KCNN3: variants seen among roughly 807,000 people sequenced by gnomAD.
KCNN3 encodes the protein potassium calcium-activated channel subfamily N member 3, also known as small conductance calcium-activated potassium channel protein 3.
KCNN3 carries 16 observed loss-of-function variants against 62.9 expected under a neutral mutation model. The ratio of observed to expected loss-of-function variants is 0.25; its 90% CI spans 0.17 to 0.39. KCNN3 has a LOEUF of 0.39. KCNN3 is among the 10% of genes least tolerant of loss of function. The pLI, the probability that KCNN3 is intolerant of heterozygous loss-of-function variation, is 1.00. For synonymous variants in KCNN3, 370 were observed against 389.2 expected (o/e 0.95, Z 0.58); for missense variants, 599 against 949.4 (o/e 0.63, Z 4.85).
At chr1:154,852,820 C>T (rs1011199484) in intron 1 of KCNN3, among the ~76,000 whole-genome samples, 18 of 152,260 alleles carry the variant, frequency 1.2e-4, no homozygotes, top group East Asian at 1.9e-4. Flanking sequence ...GCTCCCATTT[C>T]GTGTCCACCG....
intron 3 of KCNN3, among the ~76,000 whole-genome samples, chr1:154,753,205 T>G (rs565459299): frequency 1.3e-5 from 2 of 152,294 alleles, no homozygotes; most frequent in Non-Finnish European, 2.9e-5. Flanking sequence ...ACAACATAGA[T>G]GTTTACTTTA....
intron 3 of KCNN3, among the ~76,000 whole-genome samples, chr1:154,750,141 A>G (rs1266042157): frequency 6.6e-6 from 1 of 152,228 alleles, no homozygotes; most frequent in East Asian, 1.9e-4. Flanking sequence ...CCGAAGGTCA[A>G]CACTATATGG....
chr1:154,860,641 C>T (rs1198898787), intron 1 of KCNN3, among the ~76,000 whole-genome samples: 3 of 152,180 alleles, frequency 2.0e-5, no homozygotes, highest in East Asian at 1.9e-4. Flanking sequence ...GAGCTTGTCA[C>T]GGACGGGAAG....
In KCNN3 at chr1:154,715,876, A is replaced by G. The variant is rs1700224572; in HGVS notation, c.1702-873T>C. Among the ~76,000 whole-genome samples the G allele has an allele frequency of 2.6e-5, 4 of 152,200 alleles. No homozygotes were observed. In the South Asian group the frequency reaches 8.3e-4, roughly 32 times the overall value. On this transcript the variant is annotated intron_variant, in intron 5 of 7. Coordinates refer to ENST00000271915, the MANE Select transcript of KCNN3 (RefSeq NM_002249.6). ...GGAGATTTTAAAAGACTTCTTTGAG[A>G]AAATGTCTTTCCCACTGATTGGAAC...
chr1:154,771,553 C>A (rs1030664795), intron 3 of KCNN3, among the ~76,000 whole-genome samples: 1 of 152,110 alleles, frequency 6.6e-6, no homozygotes, highest in Non-Finnish European at 1.5e-5. Context: ...AAAGGATTTG[C>A]AGGCAAATAC....
At chr1:154,737,206 TGG>T (rs35539682) in intron 3 of KCNN3, 2,856 of 176,516 alleles carry the variant, frequency 0.016, 152 homozygotes, top group African/African-American at 0.029. Flanking sequence ...ATAGAAAATT[TGG>T]GGGGGGGGGA....
intron 3 of KCNN3, among the ~76,000 whole-genome samples, chr1:154,736,593 C>A (rs1700715489): frequency 1.3e-5 from 2 of 152,168 alleles, no homozygotes; most frequent in African/African-American, 4.8e-5. Flanking sequence ...GAATACCGAA[C>A]CATGAAGTTA....
rs764182244 is a variant in KCNN3, at chr1:154,869,814, G to A, written c.151C>T (p.Pro51Ser). 5 of 1,523,590 alleles carry A rather than the reference G, an allele frequency of 3.3e-6. No individual in the cohort carries two copies. The African/African-American group carries it at 5.5e-5, about 17-fold the overall frequency. The allele number at this position is 1,523,590 out of a possible 1,614,324, so 94.4% of individuals were successfully genotyped here. ...QPPPPAPPAA[P>S]QQPLGPSLQP... ...AGCGAGGGTCCCAGGGGCTGCTGGG[G>A]GGCTGCTGGTGGCGCTGGCGGTGGT... Residue 51 changes from proline to serine, a missense_variant, in exon 1 of 8, where the codon CCC becomes TCC. By Grantham distance (74) the Pro-to-Ser change is moderately conservative. Around this residue, in one of 7 missense-constraint regions of KCNN3, gnomAD observed 59 missense variants for 62.4 expected, o/e 0.95. Transcript: ENST00000271915. This position sits in a 1 kb window ranked among gnomAD's most constrained non-coding sequence, Gnocchi z 6.1.
intron 4 of KCNN3, among the ~76,000 whole-genome samples, chr1:154,727,144 C>T (rs954759205): frequency 1.3e-5 from 2 of 152,244 alleles, no homozygotes; most frequent in Admixed American, 6.5e-5. Context: ...CAGAGACCAT[C>T]GCCCTCTGCC....
At chr1:154,859,748 T>C (rs1299343149) in intron 1 of KCNN3, 1 of 1,614,062 alleles carries the variant, frequency 6.2e-7, no homozygotes, top group Non-Finnish European at 8.5e-7. Flanking sequence ...CAACTGTCCT[T>C]GCAGATGTCG....
At chr1:154,845,872 C>A (rs1355425091) in intron 1 of KCNN3, among the ~76,000 whole-genome samples, 1 of 152,228 alleles carries the variant, frequency 6.6e-6, no homozygotes, top group Non-Finnish European at 1.5e-5. Flanking sequence ...TCATTTTGAT[C>A]CTCACGCACA....
Position 154,706,857 on chromosome 1 carries a change from A to G in KCNN3, c.*1119T>C, listed in dbSNP as rs1034423388. 6.6e-6 allele frequency: 1 copy of G among 152,144 alleles called. No homozygotes were observed. Among genetic ancestry groups the G allele is most frequent in the Non-Finnish European group, 1.5e-5 (1 of 68,022 alleles). 9.4% of individuals were successfully genotyped at this position (152,144 alleles called of 1,614,324 possible). A position where few individuals can be genotyped will look rare whatever the true frequency, so the allele number is the denominator to read the frequency against. ...AATACAGCTCAGCAAATCCCCAACCATATTTCTATTCACTAAGGTGTTATT... is the reference window on the plus strand; with the variant it reads ...AATACAGCTCAGCAAATCCCCAACCGTATTTCTATTCACTAAGGTGTTATT... On this transcript the variant is annotated 3_prime_UTR_variant, in exon 8 of 8. Coordinates refer to ENST00000271915, the MANE Select transcript of KCNN3 (RefSeq NM_002249.6).
chr1:154,712,754 G>C (rs1700106080), intron 7 of KCNN3, among the ~76,000 whole-genome samples: 1 of 152,200 alleles, frequency 6.6e-6, no homozygotes, highest in Non-Finnish European at 1.5e-5. Flanking sequence ...CCGACTCTCA[G>C]CTCTGCCAGC....
At position 154,781,647 on chromosome 1, in the gene KCNN3, G is replaced by A. The variant is rs573912851; in HGVS notation, c.1030-9254C>T. On this transcript the variant is annotated intron_variant, in intron 2 of 7. Coordinates refer to ENST00000271915, the MANE Select transcript of KCNN3 (RefSeq NM_002249.6). Reference sequence around the variant, plus strand: ...CTCTAGTTGTAAGGAGAGACAAGGTGTGATGCTGGAAATCAAGTGTTTGGG... The same window carrying A: ...CTCTAGTTGTAAGGAGAGACAAGGTATGATGCTGGAAATCAAGTGTTTGGG... Among the ~76,000 whole-genome samples, 12 of 152,346 alleles carry A rather than the reference G, an allele frequency of 7.9e-5. No homozygotes were observed. In the South Asian group the frequency reaches 2.5e-3, roughly 32 times the overall value.
At chr1:154,766,416 T>TTTTA (rs1553231996) in intron 3 of KCNN3, among the ~76,000 whole-genome samples, 20 of 71,784 alleles carry the variant, frequency 2.8e-4, no homozygotes, top group Non-Finnish European at 5.3e-4. Context: ...TAGCCAGGCT[T>TTTTA]TATATATATA....
intron 2 of KCNN3, among the ~76,000 whole-genome samples, chr1:154,804,054 C>T (rs6426945): frequency 0.068 from 10,363 of 152,278 alleles, 411 homozygotes; most frequent in Middle Eastern, 0.12. Context: ...CATGACACGT[C>T]CTCCTTTACC....
chr1:154,841,360 G>C (rs1308514940), intron 1 of KCNN3, among the ~76,000 whole-genome samples: 1 of 152,274 alleles, frequency 6.6e-6, no homozygotes, highest in South Asian at 2.1e-4. Context: ...CGGCACATTA[G>C]TATCACCCAG....
chr1:154,843,824 G>A (rs577126150), intron 1 of KCNN3, among the ~76,000 whole-genome samples: 1 of 152,222 alleles, frequency 6.6e-6, no homozygotes, highest in African/African-American at 2.4e-5. Context: ...GCCTCAGCAA[G>A]ACAGACGTTT....
intron 3 of KCNN3, among the ~76,000 whole-genome samples, chr1:154,743,071 C>T (rs151089616): frequency 6.6e-6 from 1 of 152,156 alleles, no homozygotes; most frequent in African/African-American, 2.4e-5. Flanking sequence ...AGAATCGGAG[C>T]GCCTGTCATC....
Sources: gnomAD v4.1 joint callset for allele counts (sites outside exome capture counted in the v4.1 genomes callset) on GRCh38, gnomAD v4.1.1 for gene constraint, gnomAD v4.1.1 regional missense constraint, Gnocchi (gnomAD v3.1) non-coding constraint, MANE v1.5 for transcripts, NCBI Gene and HGNC (gene_info 2026-07-23, HGNC 2026-07-21) for gene names.